The following SRRM4 variants were observed in gnomAD, a reference collection of about 807,000 sequenced individuals.
SRRM4 encodes serine/arginine repetitive matrix protein 4.
Under a neutral mutation model 68.9 loss-of-function variants are expected in SRRM4, and 33 were observed. That is an observed-to-expected ratio of 0.48 (90% CI 0.36 to 0.64). SRRM4 has a LOEUF of 0.64. Among genes scored for constraint, SRRM4 ranks in the 30% least tolerant of loss-of-function variants. The pLI, the probability that SRRM4 is intolerant of heterozygous loss-of-function variation, is 0.00. For synonymous variants in SRRM4, 318 were observed against 318.8 expected (o/e 1.00, Z 0.03); for missense variants, 817 against 827.1 (o/e 0.99, Z 0.15).
At chr12:119,113,573 T>G (rs7134748) in intron 2 of SRRM4, among the ~76,000 whole-genome samples, 52,264 of 152,034 alleles carry the variant, frequency 0.34, 9,411 homozygotes, top group African/African-American at 0.45. Context: ...TGTTTTCCCC[T>G]TGAGGTTCCA....
At position 119,162,129 on chromosome 12, in the gene SRRM4, A is replaced by G. The variant is rs2136074024; in HGVS notation, c.*5331A>G. ...AAATGGGGGCTCAAGCCCTGATGCT[A>G]TGGACTCCATACTGTTGGATATATT... On this transcript the variant is annotated 3_prime_UTR_variant, in exon 13 of 13. Coordinates refer to ENST00000267260, the MANE Select transcript of SRRM4 (RefSeq NM_194286.4). 1 of 152,304 alleles carries G rather than the reference A, an allele frequency of 6.6e-6. No homozygotes were observed. The highest frequency in any genetic ancestry group is 2.4e-5 in the African/African-American group (1 of 41,564). The allele number at this position is 152,304 out of a possible 1,614,324, so 9.4% of individuals were successfully genotyped here.
chr12:119,030,529 GA>G (rs1215539243), intron 1 of SRRM4, among the ~76,000 whole-genome samples: 1 of 151,618 alleles, frequency 6.6e-6, no homozygotes. Context: ...CAGAAGTACA[GA>G]AAAAAAGAAT....
chr12:119,058,472 C>T (rs1466586546), intron 1 of SRRM4, among the ~76,000 whole-genome samples: 1 of 152,128 alleles, frequency 6.6e-6, no homozygotes, highest in Non-Finnish European at 1.5e-5. Context: ...GGTTAAATAG[C>T]TTTCTCATTT....
intron 1 of SRRM4, among the ~76,000 whole-genome samples, chr12:119,052,400 C>T (rs1953748523): frequency 6.6e-6 from 1 of 152,138 alleles, no homozygotes; most frequent in South Asian, 2.1e-4. Context: ...CAAGACTCAC[C>T]TGGGAAAGAG....
chr12:119,116,840 G>A (rs1410136594), intron 3 of SRRM4, 97 bp from the exon 4 acceptor site: 2 of 956,142 alleles, frequency 2.1e-6, no homozygotes, highest in Non-Finnish European at 3.2e-6. Flanking sequence ...TCCTGCAAGA[G>A]CTAAAACCCT....
Position 119,112,911 on chromosome 12 carries a change from T to C in SRRM4, c.279-1367T>C, listed in dbSNP as rs530165085. On this transcript the variant is annotated intron_variant, in intron 2 of 12. Transcript: ENST00000267260. Reference sequence around the variant, plus strand: ...GCAGCAAACCACCATGGCACACATTTATCTATGTAACAAACCTGCACATCC... The same window carrying C: ...GCAGCAAACCACCATGGCACACATTCATCTATGTAACAAACCTGCACATCC... 3.5e-4 allele frequency among the ~76,000 whole-genome samples: 54 copies of C among 152,236 alleles called. No homozygotes were observed. The Middle Eastern group carries it at 0.017, about 48-fold the overall frequency.
intron 1 of SRRM4, among the ~76,000 whole-genome samples, chr12:119,065,225 CTT>C (rs1953838158): frequency 6.6e-6 from 1 of 152,154 alleles, no homozygotes; most frequent in South Asian, 2.1e-4. Context: ...TTCTAAATCT[CTT>C]GTCTCCTTTG....
At position 118,981,918 on chromosome 12, in the gene SRRM4, T is replaced by C; in HGVS notation, c.36T>C (p.Phe12=). 1.2e-6 allele frequency: 2 copies of C among 1,613,570 alleles called. No homozygotes were observed. The highest frequency in any genetic ancestry group is 1.7e-6 in the Non-Finnish European group (2 of 1,179,758). Residue 12 remains phenylalanine (F), a synonymous_variant, in exon 1 of 13, where the codon TTT becomes TTC. Transcript: ENST00000267260. ...ASVQQGEKQL[F]EKFWRGTFKA... is the part of the protein sequence containing the mutation. ...TTCAGCAAGGCGAGAAGCAGCTTTT[T>C]GAGAAGTTCTGGCGAGGAACCTTCA...
Position 119,156,856 on chromosome 12 carries a change from A to C in SRRM4, c.*58A>C. On this transcript the variant is annotated 3_prime_UTR_variant, in exon 13 of 13. Transcript: ENST00000267260. ...TTCGCGCTGCCAGCCTCCCCCAACC[A>C]CCTGCCCTCCCCGCCTTCTTGGTGA... 1.4e-6 allele frequency: 2 copies of C among 1,462,720 alleles called. No homozygotes were observed. The highest frequency in any genetic ancestry group is 1.8e-6 in the Non-Finnish European group (2 of 1,111,606). The allele number at this position is 1,462,720 out of a possible 1,614,324, so 90.6% of individuals were successfully genotyped here. A position where few individuals can be genotyped will look rare whatever the true frequency, so the allele number is the denominator to read the frequency against.
intron 12 of SRRM4, among the ~76,000 whole-genome samples, chr12:119,156,079 ACT>A (rs1954469398): frequency 6.6e-6 from 1 of 152,172 alleles, no homozygotes; most frequent in Admixed American, 6.5e-5. Context: ...AATAGATATG[ACT>A]CTTTTCAAAG....
At chr12:119,142,073 A>G (rs1954368709) in intron 8 of SRRM4, among the ~76,000 whole-genome samples, 1 of 152,206 alleles carries the variant, frequency 6.6e-6, no homozygotes, top group African/African-American at 2.4e-5. Flanking sequence ...CAGAACCAAG[A>G]AAACTCGAAT....
intron 9 of SRRM4, among the ~76,000 whole-genome samples, chr12:119,149,572 ACAGGGGACGGGGGTGT>A (rs1370454193): frequency 1.3e-5 from 2 of 151,992 alleles, no homozygotes; most frequent in Admixed American, 1.3e-4. Flanking sequence ...CCCAACCCAG[ACAGGGGACGGGGGTGT>A]CAAGGAAGGT....
rs1954478136 is a variant in SRRM4 at position 119,156,956 on chromosome 12, ACT to A, written c.*163_*164del. ...GAGGAGAAGAGGGTAAGGGGGCTTC[ACT>A]CTCTAGATCAGCCTGCTAGGAGCCT... On this transcript the variant is annotated 3_prime_UTR_variant, in exon 13 of 13. Transcript: ENST00000267260. The A allele has an allele frequency of 1.1e-6, 1 of 903,828 alleles. No individual in the cohort carries two copies. Among genetic ancestry groups the A allele is most frequent in the Non-Finnish European group, 1.6e-6 (1 of 618,224 alleles). 56.0% of individuals were successfully genotyped at this position (903,828 alleles called of 1,614,324 possible). A position where few individuals can be genotyped will look rare whatever the true frequency, so the allele number is the denominator to read the frequency against.
Position 119,145,777 on chromosome 12 carries a change from C to T in SRRM4, c.1076+92C>T, listed in dbSNP as rs576994449. 2.2e-5 allele frequency: 25 copies of T among 1,118,856 alleles called. No individual in the cohort carries two copies. The South Asian group carries it at 6.0e-4, about 27-fold the overall frequency. 69.3% of individuals were successfully genotyped at this position (1,118,856 alleles called of 1,614,324 possible). A position where few individuals can be genotyped will look rare whatever the true frequency, so the allele number is the denominator to read the frequency against. ...ATCCCAGCCTCCCCCACTCCACCCC[C>T]AAGATTATTTTATTTGTAAGAGAGA... On this transcript the variant is annotated intron_variant, in intron 9 of 12. Coordinates refer to ENST00000267260, the MANE Select transcript of SRRM4 (RefSeq NM_194286.4).
intron 5 of SRRM4, among the ~76,000 whole-genome samples, chr12:119,120,637 C>A (rs1954213667): frequency 1.3e-5 from 2 of 152,212 alleles, no homozygotes; most frequent in Non-Finnish European, 2.9e-5. Flanking sequence ...AGGGCCAAGT[C>A]CTCGTATACT....
intron 1 of SRRM4, among the ~76,000 whole-genome samples, chr12:119,038,792 C>T (rs2136010274): frequency 6.6e-6 from 1 of 152,180 alleles, no homozygotes; most frequent in South Asian, 2.1e-4. Context: ...TTCCTGCTGC[C>T]CAGTTAGATC....
chr12:119,110,776 G>C (rs575778868), intron 2 of SRRM4, among the ~76,000 whole-genome samples: 1 of 152,274 alleles, frequency 6.6e-6, no homozygotes, highest in South Asian at 2.1e-4. Context: ...GCACTTCCCA[G>C]GTGAGGCGAT....
intron 1 of SRRM4, among the ~76,000 whole-genome samples, chr12:118,999,076 A>G (rs949868109): frequency 6.6e-6 from 1 of 152,212 alleles, no homozygotes; most frequent in Non-Finnish European, 1.5e-5. Flanking sequence ...CAAAATGAAG[A>G]CAATCTTGGT....
chr12:118,986,985 A>G (rs1306867327), intron 1 of SRRM4, among the ~76,000 whole-genome samples: 1 of 152,084 alleles, frequency 6.6e-6, no homozygotes, highest in Admixed American at 6.6e-5. Flanking sequence ...ACAGGGGCTT[A>G]GCAAAACTAG....
Sources: allele counts gnomAD v4.1 joint callset (sites outside exome capture counted in the v4.1 genomes callset), GRCh38; gene constraint gnomAD v4.1.1; transcripts MANE v1.5; gene names NCBI Gene and HGNC (gene_info 2026-07-23, HGNC 2026-07-21).